CDH13: variants seen among roughly 807,000 people sequenced by gnomAD.
CDH13 encodes the protein cadherin-13.
CDH13 carries 24 observed loss-of-function variants against 63.8 expected under a neutral mutation model. That is an observed-to-expected ratio of 0.38 (90% CI 0.27 to 0.53). The LOEUF (loss-of-function observed/expected upper bound fraction) is 0.53, where lower values mean the gene tolerates loss of function less well. Among genes scored for constraint, CDH13 ranks in the 20% least tolerant of loss-of-function variants. The pLI, the probability that CDH13 is intolerant of heterozygous loss-of-function variation, is 0.85. For synonymous variants in CDH13, 503 were observed against 355.3 expected (o/e 1.42, Z -4.67); for missense variants, 1,049 against 903.1 (o/e 1.16, Z -2.07).
chr16:82,842,279 G>T (rs1163813296), intron 1 of CDH13, among the ~76,000 whole-genome samples: 1 of 151,008 alleles, frequency 6.6e-6, no homozygotes, highest in Non-Finnish European at 1.5e-5. Flanking sequence ...AATCATCAGG[G>T]TAGCTCAGTC....
chr16:83,335,465 T>A (rs898634980), intron 5 of CDH13, among the ~76,000 whole-genome samples: 1 of 152,150 alleles, frequency 6.6e-6, no homozygotes, highest in African/African-American at 2.4e-5. Context: ...GTGTTAAGAC[T>A]TGTACATCCC....
chr16:83,019,917 A>C (rs80342276), intron 2 of CDH13, among the ~76,000 whole-genome samples: 2 of 152,026 alleles, frequency 1.3e-5, no homozygotes, highest in Non-Finnish European at 2.9e-5. Context: ...TATCATTACC[A>C]AATATTACAT....
chr16:83,459,647 A>C (rs1206990192), intron 6 of CDH13, among the ~76,000 whole-genome samples: 1 of 152,248 alleles, frequency 6.6e-6, no homozygotes, highest in Non-Finnish European at 1.5e-5. Context: ...TTTCTAATGA[A>C]GGAGATTTTG....
At chr16:82,848,612 C>T (rs1439999040) in intron 1 of CDH13, among the ~76,000 whole-genome samples, 2 of 151,272 alleles carry the variant, frequency 1.3e-5, no homozygotes, top group East Asian at 3.9e-4. Context: ...AAACTGTGCC[C>T]ATATAAGATG....
intron 3 of CDH13, among the ~76,000 whole-genome samples, chr16:83,076,407 T>A (rs1266602401): frequency 6.6e-6 from 1 of 152,190 alleles, no homozygotes; most frequent in Non-Finnish European, 1.5e-5. Context: ...CTGGCAGGAC[T>A]GGTGTCTCCT....
At chr16:83,254,698 G>C (rs938993158) in intron 5 of CDH13, among the ~76,000 whole-genome samples, 1 of 152,146 alleles carries the variant, frequency 6.6e-6, no homozygotes, top group Non-Finnish European at 1.5e-5. Context: ...TTAAAAAGTT[G>C]AACCTTGAAT....
At chr16:83,198,729 A>T (rs1177901074) in intron 4 of CDH13, among the ~76,000 whole-genome samples, 1 of 152,160 alleles carries the variant, frequency 6.6e-6, no homozygotes, top group African/African-American at 2.4e-5. Flanking sequence ...TTGTATGGGA[A>T]CAGGCTCAGA....
chr16:82,734,710 C>T (rs765763372), intron 1 of CDH13, among the ~76,000 whole-genome samples: 1 of 152,204 alleles, frequency 6.6e-6, no homozygotes, highest in East Asian at 1.9e-4. Flanking sequence ...CTTGGCCACT[C>T]TCTAGGAGCT....
chr16:82,667,137 C>T (rs573518795), intron 1 of CDH13, among the ~76,000 whole-genome samples: 2 of 152,284 alleles, frequency 1.3e-5, no homozygotes, highest in South Asian at 4.2e-4. Flanking sequence ...ATTCACATCG[C>T]CTCACCTCCT....
At chr16:82,670,284 A>G (rs545917643) in intron 1 of CDH13, among the ~76,000 whole-genome samples, 141 of 152,324 alleles carry the variant, frequency 9.3e-4, no homozygotes, top group Non-Finnish European at 1.7e-3. Flanking sequence ...AAATAACCCA[A>G]AGGTTTGGTA....
chr16:83,338,343 G>A (rs1341670717), intron 5 of CDH13, among the ~76,000 whole-genome samples: 2 of 152,188 alleles, frequency 1.3e-5, no homozygotes, highest in Non-Finnish European at 2.9e-5. Flanking sequence ...TGGAGAGAAA[G>A]GACAGATGGC....
chr16:83,351,512 C>G (rs911315878), intron 6 of CDH13, among the ~76,000 whole-genome samples: 1 of 152,030 alleles, frequency 6.6e-6, no homozygotes, highest in African/African-American at 2.4e-5. Flanking sequence ...TTCCGTAAAT[C>G]TCTCTCTTCA....
intron 3 of CDH13, among the ~76,000 whole-genome samples, chr16:83,098,573 C>G (rs1172661564): frequency 6.6e-6 from 1 of 152,152 alleles, no homozygotes; most frequent in Non-Finnish European, 1.5e-5. Flanking sequence ...GTATGTGCAT[C>G]TGAAAAAGTC....
Position 82,870,403 on chromosome 16 carries a change from A to G in CDH13, c.157+11930A>G, listed in dbSNP as rs142972009. On this transcript the variant is annotated intron_variant, in intron 2 of 13. Transcript: ENST00000567109. ...TATTACAGCCACTATGCAGAACACT[A>G]TGGATGGTCCCCAAAAAACTAAAAA... Among the ~76,000 whole-genome samples the G allele has an allele frequency of 9.0e-3, 1,372 of 152,222 alleles. 30 individuals are homozygous for G. The highest frequency in any genetic ancestry group is 0.032 in the African/African-American group (1,328 of 41,532).
Position 82,866,230 on chromosome 16 carries a change from T to G in CDH13, c.157+7757T>G, listed in dbSNP as rs189944142. 1.1e-4 allele frequency among the ~76,000 whole-genome samples: 17 copies of G among 152,178 alleles called. No individual in the cohort carries two copies. The East Asian group carries it at 2.9e-3, about 26-fold the overall frequency. ...CCAAACTTTCCCACATCTTCCTGTC[T>G]TCCTCTGAGCCCTCTAAACTGTTCC... On this transcript the variant is annotated intron_variant, in intron 2 of 13. Coordinates refer to ENST00000567109, the MANE Select transcript of CDH13 (RefSeq NM_001257.5).
intron 5 of CDH13, among the ~76,000 whole-genome samples, chr16:83,223,331 C>G (rs1011817180): frequency 2.0e-5 from 3 of 152,230 alleles, no homozygotes; most frequent in Non-Finnish European, 4.4e-5. Context: ...GGCCAAAAGA[C>G]AGCACCTATT....
intron 6 of CDH13, among the ~76,000 whole-genome samples, chr16:83,402,120 G>T (rs532634944): frequency 6.6e-6 from 1 of 152,100 alleles, no homozygotes; most frequent in South Asian, 2.1e-4. Flanking sequence ...TATCCAGGAG[G>T]TTACCTTGAA....
chr16:83,604,842 A>G (rs1598358294), intron 8 of CDH13, among the ~76,000 whole-genome samples: 4 of 152,200 alleles, frequency 2.6e-5, no homozygotes, highest in African/African-American at 7.2e-5. Flanking sequence ...AGTTACTTCA[A>G]TGCCACTGTG....
In CDH13 at chr16:83,047,365, C is replaced by G. The variant is rs1917894655; in HGVS notation, c.366+15147C>G. 6.6e-6 allele frequency among the ~76,000 whole-genome samples: 1 copy of G among 152,168 alleles called. No homozygotes were observed. The highest frequency in any genetic ancestry group is 2.4e-5 in the African/African-American group (1 of 41,450). ...CCGTGGTTAACACAGATAATTGAGA[C>G]TTGAGTGCTTTTTTATTCCAAGTCC... On this transcript the variant is annotated intron_variant, in intron 3 of 13. Transcript: ENST00000567109. This position sits in a 1 kb window ranked among gnomAD's most constrained non-coding sequence, Gnocchi z 4.9.
Sources: allele counts gnomAD v4.1 joint callset (sites outside exome capture counted in the v4.1 genomes callset), GRCh38; gene constraint gnomAD v4.1.1; non-coding constraint Gnocchi (gnomAD v3.1); transcripts MANE v1.5; gene names NCBI Gene and HGNC (gene_info 2026-07-23, HGNC 2026-07-21).